UBR2: variants seen among roughly 807,000 people sequenced by gnomAD.
The protein encoded by UBR2 is E3 ubiquitin-protein ligase UBR2.
In UBR2, 92 loss-of-function variants were observed where a neutral mutation model predicts 247.9. The observed-to-expected ratio is 0.37, with a 90% CI of 0.31 to 0.44. UBR2 has a LOEUF of 0.44. Ranked by LOEUF, UBR2 falls within the 20% of genes least tolerant of loss-of-function variation. The pLI, the probability that UBR2 is intolerant of heterozygous loss-of-function variation, is 1.00. For synonymous variants in UBR2, 672 were observed against 693.5 expected, an observed-to-expected ratio of 0.97 and a Z score of 0.49; for missense variants, 1,613 against 2,112.6, an observed-to-expected ratio of 0.76 and a Z score of 4.64.
intron 2 of UBR2, among the ~76,000 whole-genome samples, chr6:42,580,868 A>G (rs1562280879): frequency 6.6e-6 from 1 of 151,988 alleles, no homozygotes; most frequent in Non-Finnish European, 1.5e-5. Flanking sequence ...ACAGTAGTTA[A>G]CCTTATATGA....
intron 7 of UBR2, among the ~76,000 whole-genome samples, chr6:42,611,152 TAA>T (rs77005793): frequency 1.6e-4 from 20 of 128,832 alleles, no homozygotes; most frequent in Admixed American, 2.3e-4. Flanking sequence ...AGCCATGATT[TAA>T]AAAAAAAAAA....
At chr6:42,658,520 C>T in intron 28 of UBR2, 126 bp from the exon 29 acceptor site, 1 of 1,166,760 alleles carries the variant, frequency 8.6e-7, no homozygotes. Context: ...AGTCTTTTCT[C>T]TTATTTAAAT....
At chr6:42,620,087 C>T (rs1160752280) in intron 11 of UBR2, 14 of 860,540 alleles carry the variant, frequency 1.6e-5, no homozygotes, top group Non-Finnish European at 1.8e-5. Flanking sequence ...ATAGGTTCTA[C>T]CAGACTCTTT....
intron 1 of UBR2, among the ~76,000 whole-genome samples, chr6:42,566,725 G>GT (rs5875813): frequency 0.67 from 101,173 of 149,916 alleles, 34,465 homozygotes; most frequent in African/African-American, 0.8. Flanking sequence ...TGAACAATAA[G>GT]TTTTTTTTTT....
intron 3 of UBR2, among the ~76,000 whole-genome samples, chr6:42,592,628 CT>C (rs1792739434): frequency 1.3e-5 from 2 of 152,124 alleles, no homozygotes; most frequent in Non-Finnish European, 1.5e-5. Context: ...TGTTTGTTTG[CT>C]TTTAAGTCAG....
intron 32 of UBR2, among the ~76,000 whole-genome samples, chr6:42,663,939 A>G (rs1023329608): frequency 6.6e-6 from 1 of 152,190 alleles, no homozygotes; most frequent in African/African-American, 2.4e-5. Context: ...TGAAAGGATC[A>G]TTTGAGCCCA....
intron 2 of UBR2, among the ~76,000 whole-genome samples, chr6:42,585,490 G>C (rs1035811452): frequency 6.6e-6 from 1 of 152,128 alleles, no homozygotes; most frequent in Non-Finnish European, 1.5e-5. Context: ...ATTTCTGGAA[G>C]TATTTATGTA....
At chr6:42,579,330 G>A (rs757119433) in intron 2 of UBR2, among the ~76,000 whole-genome samples, 16 of 152,104 alleles carry the variant, frequency 1.1e-4, no homozygotes, top group Admixed American at 5.9e-4. Context: ...GCACCAAGAG[G>A]ATGGTGCTAA....
intron 4 of UBR2, among the ~76,000 whole-genome samples, chr6:42,595,219 G>T (rs1792892280): frequency 6.6e-6 from 1 of 152,116 alleles, no homozygotes; most frequent in Non-Finnish European, 1.5e-5. Flanking sequence ...GTTAATTATA[G>T]TCATGCTATA....
In UBR2 at chr6:42,657,135, T is replaced by A. The variant is rs536241910; in HGVS notation, c.2873-889T>A. On this transcript the variant is annotated intron_variant, in intron 26 of 46. Transcript: ENST00000372901. ...CTATAATCCCAGCTGCTCGGGAGGC[T>A]GAGGCAGGAAAATCGCTTGAACCCA... 5.3e-5 allele frequency among the ~76,000 whole-genome samples: 8 copies of A among 150,540 alleles called. No individual in the cohort carries two copies. In the South Asian group the frequency reaches 1.7e-3, roughly 31 times the overall value.
chr6:42,634,373 A>G, intron 13 of UBR2: 1 of 218,118 alleles, frequency 4.6e-6, no homozygotes, highest in South Asian at 5.0e-5. Flanking sequence ...TGATTTCTTT[A>G]GTAGCCACCT....
In UBR2 at chr6:42,640,214, C is replaced by T; in HGVS notation, c.1864C>T (p.His622Tyr). 6.2e-7 allele frequency: 1 copy of T among 1,605,634 alleles called. No individual in the cohort carries two copies. ...LPVSRLLAGL[H>Y]VLLSKSEVAY... ...TTGTTTGTTCTTTCATGCAGGTTTACATGTATTATTAAGCAAAAGTGAAGT... is the reference window on the plus strand; with the variant it reads ...TTGTTTGTTCTTTCATGCAGGTTTATATGTATTATTAAGCAAAAGTGAAGT... The change falls in exon 16 of 47, where the codon CAT becomes TAT. Residue 622 changes from histidine to tyrosine, a missense_variant. His to Tyr is a moderately conservative substitution (Grantham distance 83, BLOSUM62 2). This residue lies in a region of UBR2 where 1,524 missense variants were observed against 1,967.3 expected (regional missense o/e 0.77). Transcript: ENST00000372901.
At chr6:42,565,152 G>C (rs1361816285) in intron 1 of UBR2, among the ~76,000 whole-genome samples, 2 of 152,216 alleles carry the variant, frequency 1.3e-5, no homozygotes, top group Admixed American at 1.3e-4. Flanking sequence ...CAGTGTAGTA[G>C]GAGCAGTTAT....
At chr6:42,624,074 A>C (rs985221812) in intron 11 of UBR2, among the ~76,000 whole-genome samples, 12 of 151,912 alleles carry the variant, frequency 7.9e-5, no homozygotes, top group Admixed American at 2.0e-4. Flanking sequence ...ATTGGCAAGT[A>C]TATTCTGTTT....
At chr6:42,672,600 G>A (rs1444663258) in intron 36 of UBR2, among the ~76,000 whole-genome samples, 2 of 151,904 alleles carry the variant, frequency 1.3e-5, no homozygotes, top group African/African-American at 2.4e-5. Context: ...CACCCCTGTG[G>A]TCCAGACTTG....
intron 34 of UBR2, among the ~76,000 whole-genome samples, chr6:42,667,137 A>G (rs1010393050): frequency 1.3e-5 from 2 of 152,166 alleles, no homozygotes; most frequent in African/African-American, 2.4e-5. Flanking sequence ...GGAATTCAAG[A>G]CCAGTCTAGC....
Position 42,652,036 on chromosome 6 carries a change from A to G in UBR2, c.2579A>G (p.Gln860Arg). 6.3e-7 allele frequency: 1 copy of G among 1,595,064 alleles called. No individual in the cohort carries two copies. Among genetic ancestry groups the G allele is most frequent in the Non-Finnish European group, 8.5e-7 (1 of 1,173,418 alleles). ...ATTTTTTATTAGGCAGAAGAAGCGCAACGGAAATTGAAAAGACAAAATAGA... is the reference window on the plus strand; with the variant it reads ...ATTTTTTATTAGGCAGAAGAAGCGCGACGGAAATTGAAAAGACAAAATAGA... ...RAEQSKAEEA[Q>R]RKLKRQNRED... The change falls in exon 24 of 47, where the codon CAA becomes CGA. Residue 860 changes from glutamine (Q) to arginine (R), a missense_variant. This residue lies in a region of UBR2 where 1,524 missense variants were observed against 1,967.3 expected (regional missense o/e 0.77). Coordinates refer to ENST00000372901, the MANE Select transcript of UBR2 (RefSeq NM_001363705.2).
At chr6:42,605,479 CTGT>C (rs1189871394) in intron 5 of UBR2, among the ~76,000 whole-genome samples, 8 of 152,178 alleles carry the variant, frequency 5.3e-5, no homozygotes, top group South Asian at 4.1e-4. Flanking sequence ...GCTCCCAGGC[CTGT>C]TATACCCTGC....
intron 30 of UBR2, among the ~76,000 whole-genome samples, chr6:42,660,681 G>T (rs995328445): frequency 6.6e-6 from 1 of 152,016 alleles, no homozygotes; most frequent in African/African-American, 2.4e-5. Flanking sequence ...GGTCATTTAG[G>T]CTGGGTATGG....
Sources: allele counts gnomAD v4.1 joint callset (sites outside exome capture counted in the v4.1 genomes callset), GRCh38; gene constraint gnomAD v4.1.1; regional missense constraint gnomAD v4.1.1; transcripts MANE v1.5; gene names NCBI Gene and HGNC (gene_info 2026-07-23, HGNC 2026-07-21).